NOL9: variants seen among roughly 807,000 people sequenced by gnomAD.
NOL9 encodes nucleolar protein 9.
Under a neutral mutation model 67.9 loss-of-function variants are expected in NOL9, and 28 were observed. The observed-to-expected ratio is 0.41, with a 90% confidence interval of 0.31 to 0.57. The LOEUF (loss-of-function observed/expected upper bound fraction) is 0.57, where lower values mean the gene tolerates loss of function less well. Ranked by LOEUF, NOL9 falls within the 20% of genes least tolerant of loss-of-function variation. The pLI, the probability that NOL9 is intolerant of heterozygous loss-of-function variation, is 0.25. For synonymous variants in NOL9, 356 were observed against 352.2 expected (o/e 1.01, Z -0.12); for missense variants, 777 against 897.0 (o/e 0.87, Z 1.71).
chr1:6,554,037 G>C, intron 1 of NOL9, 70 bp downstream of exon 1: 1 of 1,322,332 alleles, frequency 7.6e-7, no homozygotes, highest in Non-Finnish European at 1.0e-6. Flanking sequence ...CTCCTACCCT[G>C]CAGCTCTCCC....
chr1:6,554,344 C>T lies in NOL9; in HGVS notation c.159G>A (p.Leu53=), dbSNP rs1329317370. The change falls in exon 1 of 12, where the codon CTG becomes CTA. Residue 53 remains leucine (L), a synonymous_variant. Coordinates refer to ENST00000377705, the MANE Select transcript of NOL9 (RefSeq NM_024654.5). The part of the protein sequence containing the change: ...CGRRRLRWRL[L]QAQASGVDWR... ...AGTCCACGCCGGACGCCTGGGCTTG[C>T]AGTAACCGCCACCGTAGGCGCCGCC... 6.8e-7 allele frequency: 1 copy of T among 1,460,810 alleles called. No homozygotes were observed. The highest frequency in any genetic ancestry group is 9.0e-7 in the Non-Finnish European group (1 of 1,113,700). The allele number at this position is 1,460,810 out of a possible 1,614,324, so 90.5% of individuals were successfully genotyped here. A position where few individuals can be genotyped will look rare whatever the true frequency, so the allele number is the denominator to read the frequency against.
intron 9 of NOL9, among the ~76,000 whole-genome samples, chr1:6,531,434 C>T (rs868053192): frequency 3.3e-5 from 5 of 152,004 alleles, no homozygotes; most frequent in African/African-American, 9.7e-5. Context: ...AGGATGGTCT[C>T]GATCTCCTGA....
At chr1:6,528,471 G>C (rs1167272373) in intron 10 of NOL9, among the ~76,000 whole-genome samples, 1 of 152,208 alleles carries the variant, frequency 6.6e-6, no homozygotes, top group African/African-American at 2.4e-5. Flanking sequence ...ATGAAGGCTA[G>C]GGGATGCCAA....
chr1:6,541,989 G>A (rs1052563428), intron 5 of NOL9, 62 bp from the exon 6 acceptor site: 194 of 1,047,612 alleles, frequency 1.9e-4, no homozygotes, highest in Non-Finnish European at 1.5e-4. Context: ...CAGTAGAAAG[G>A]ATAATCACAC....
At chr1:6,526,158 C>A (rs1331748764) in intron 11 of NOL9, among the ~76,000 whole-genome samples, 155 bp from the exon 12 acceptor site, 1 of 152,152 alleles carries the variant, frequency 6.6e-6, no homozygotes, top group African/African-American at 2.4e-5. Flanking sequence ...TCAGAGCCCC[C>A]TTTAATCAAC....
At chr1:6,531,163 G>GCAAA (rs1290465139) in intron 9 of NOL9, among the ~76,000 whole-genome samples, 2 of 152,048 alleles carry the variant, frequency 1.3e-5, no homozygotes, top group Non-Finnish European at 2.9e-5. Context: ...ATTCCAAGTT[G>GCAAA]CAAATACTCT....
chr1:6,531,740 C>T (rs1353097882), intron 9 of NOL9, among the ~76,000 whole-genome samples: 1 of 152,160 alleles, frequency 6.6e-6, no homozygotes, highest in Non-Finnish European at 1.5e-5. Flanking sequence ...AGCTGAACTG[C>T]CTGGGCCTGC....
At chr1:6,527,517 C>CAT (rs1638915056) in intron 10 of NOL9, among the ~76,000 whole-genome samples, 1 of 150,078 alleles carries the variant, frequency 6.7e-6, no homozygotes, top group African/African-American at 2.5e-5. Flanking sequence ...CATGGTGGCG[C>CAT]GCACCTGTAA....
chr1:6,550,073 C>A (rs1639512036), intron 2 of NOL9, among the ~76,000 whole-genome samples: 1 of 152,034 alleles, frequency 6.6e-6, no homozygotes, highest in South Asian at 2.1e-4. Context: ...GCTCTGTTGC[C>A]CAGGCTGGAG....
intron 3 of NOL9, among the ~76,000 whole-genome samples, chr1:6,546,413 C>G (rs1236737007): frequency 6.6e-6 from 1 of 152,156 alleles, no homozygotes; most frequent in African/African-American, 2.4e-5. Context: ...CACAACAGTC[C>G]GTTCGCTGTC....
At chr1:6,533,520 G>T in intron 6 of NOL9, 79 bp from the exon 7 acceptor site, 1 of 1,065,426 alleles carries the variant, frequency 9.4e-7, no homozygotes, top group East Asian at 2.7e-5. Context: ...TGAGGGTTTT[G>T]TTTCAGCCGT....
intron 5 of NOL9, among the ~76,000 whole-genome samples, chr1:6,542,733 A>G (rs1239346603): frequency 1.3e-5 from 2 of 152,128 alleles, no homozygotes; most frequent in African/African-American, 2.4e-5. Flanking sequence ...CTGGGATTAC[A>G]GGCATGAGCC....
intron 5 of NOL9, among the ~76,000 whole-genome samples, chr1:6,543,029 G>A (rs935552097): frequency 2.6e-5 from 4 of 151,760 alleles, no homozygotes; most frequent in African/African-American, 4.8e-5. Flanking sequence ...AAGTAGCTGG[G>A]ACCACAGGCA....
intron 8 of NOL9, 146 bp from the exon 9 acceptor site, chr1:6,532,225 G>C: frequency 1.4e-6 from 1 of 739,068 alleles, no homozygotes; most frequent in Non-Finnish European, 2.3e-6. Flanking sequence ...GGAAAAACAG[G>C]AAGTGTAAAG....
chr1:6,549,254 C>T (rs550477514), intron 3 of NOL9: 4 of 229,994 alleles, frequency 1.7e-5, no homozygotes, highest in Non-Finnish European at 3.5e-5. Flanking sequence ...GAGACTCCGT[C>T]TCAAAAAAAC....
rs12047275 is a variant in NOL9, at chr1:6,525,343, A to G, written c.*511T>C. On this transcript the variant is annotated 3_prime_UTR_variant, in exon 12 of 12. Transcript: ENST00000377705. ...TGATTGAATATAACAGACCAAGTACAACTGCACCAAATGGATGGGCTGTAA... is the reference window on the plus strand; with the variant it reads ...TGATTGAATATAACAGACCAAGTACGACTGCACCAAATGGATGGGCTGTAA... 2,121 of 165,078 alleles carry G rather than the reference A, an allele frequency of 0.013. 44 individuals are homozygous for G. Among genetic ancestry groups the G allele is most frequent in the African/African-American group, 0.042 (1,754 of 41,670 alleles). The allele number at this position is 165,078 out of a possible 1,614,324, so 10.2% of individuals were successfully genotyped here.
chr1:6,531,000 C>G (rs1202467048), intron 9 of NOL9, among the ~76,000 whole-genome samples: 1 of 152,176 alleles, frequency 6.6e-6, no homozygotes, highest in Non-Finnish European at 1.5e-5. Flanking sequence ...AATAACAGGA[C>G]CACGGTAAGT....
intron 2 of NOL9, 93 bp from the exon 3 acceptor site, chr1:6,549,791 A>C: frequency 6.7e-7 from 1 of 1,489,224 alleles, no homozygotes; most frequent in Non-Finnish European, 9.2e-7. Flanking sequence ...AACTATAAAC[A>C]TTAGGAGAGT....
At chr1:6,540,121 A>ATTT (rs1328996043) in intron 6 of NOL9, among the ~76,000 whole-genome samples, 1 of 19,000 alleles carries the variant, frequency 5.3e-5, no homozygotes, top group Non-Finnish European at 1.1e-4. Context: ...AAGGAGAGTT[A>ATTT]TTCTTTTTTT....
Sources: gnomAD v4.1 joint callset for allele counts (sites outside exome capture counted in the v4.1 genomes callset) on GRCh38, gnomAD v4.1.1 for gene constraint, MANE v1.5 for transcripts, NCBI Gene and HGNC (gene_info 2026-07-23, HGNC 2026-07-21) for gene names.